Variants in TMOD1 observed in about 807,000 individuals in gnomAD.
The protein encoded by TMOD1 is tropomodulin-1.
A neutral mutation model predicts 40.6 loss-of-function variants in TMOD1; 17 were observed. The ratio of observed to expected loss-of-function variants is 0.42; its 90% confidence interval spans 0.29 to 0.63. The LOEUF is 0.63. Among genes scored for constraint, TMOD1 ranks in the 20% least tolerant of loss-of-function variants. TMOD1 has a pLI of 0.22. For missense variants in TMOD1, 391 were observed against 447.6 expected, an observed-to-expected ratio of 0.87 and a Z score of 1.14; for synonymous variants, 181 against 175.0, an observed-to-expected ratio of 1.03 and a Z score of -0.27.
intron 1 of TMOD1, chr9:97,517,615 G>T: frequency 6.6e-6 from 1 of 152,454 alleles, no homozygotes; most frequent in Non-Finnish European, 1.5e-5. Flanking sequence ...CACCATCTGA[G>T]TGTCCTCAGC....
At chr9:97,561,240 G>C (rs1340451717) in intron 4 of TMOD1, among the ~76,000 whole-genome samples, 1 of 152,156 alleles carries the variant, frequency 6.6e-6, no homozygotes, top group Admixed American at 6.5e-5. Flanking sequence ...GGCTTCCCAG[G>C]CTGTTCCTAG....
chr9:97,596,462 T>C (rs1253644072), intron 9 of TMOD1, among the ~76,000 whole-genome samples: 1 of 152,186 alleles, frequency 6.6e-6, no homozygotes, highest in Non-Finnish European at 1.5e-5. Context: ...ACTTCCCATC[T>C]CACTAGCTCA....
intron 2 of TMOD1, among the ~76,000 whole-genome samples, chr9:97,533,100 A>T (rs1830127435): frequency 6.6e-6 from 1 of 152,224 alleles, no homozygotes; most frequent in Non-Finnish European, 1.5e-5. Context: ...CTGGATTTTT[A>T]AAAAATGTAT....
chr9:97,517,506 C>T (rs907766201), intron 1 of TMOD1, among the ~76,000 whole-genome samples: 5 of 152,016 alleles, frequency 3.3e-5, no homozygotes, highest in Non-Finnish European at 5.9e-5. Context: ...GTGCCAAAGC[C>T]GGACACGCAT....
At chr9:97,512,554 T>C (rs1829720960) in intron 1 of TMOD1, among the ~76,000 whole-genome samples, 1 of 151,542 alleles carries the variant, frequency 6.6e-6, no homozygotes. Flanking sequence ...TTTCAGATAA[T>C]GGAATACTAC....
intron 8 of TMOD1, among the ~76,000 whole-genome samples, chr9:97,585,615 C>T (rs2131286465): frequency 7.0e-6 from 1 of 143,506 alleles, no homozygotes; most frequent in Non-Finnish European, 1.5e-5. Context: ...AACTTGGTTC[C>T]ATTCTCCCCA....
Position 97,521,426 on chromosome 9 carries a change from T to G in TMOD1, c.-48-2715T>G, listed in dbSNP as rs187252746. On this transcript the variant is annotated intron_variant, in intron 1 of 9. Coordinates refer to ENST00000259365, the MANE Select transcript of TMOD1 (RefSeq NM_003275.4). ...TAGTTTTAAGGCAGTTCTGGACATCTCTGTGAGTTGGTTCTGGAAGACTCC... is the reference window on the plus strand; with the variant it reads ...TAGTTTTAAGGCAGTTCTGGACATCGCTGTGAGTTGGTTCTGGAAGACTCC... Among the ~76,000 whole-genome samples, 150 of 152,306 alleles carry G rather than the reference T, an allele frequency of 9.8e-4. 1 individual carries two copies. The highest frequency in any genetic ancestry group is 3.4e-3 in the African/African-American group (142 of 41,566).
chr9:97,549,224 G>T (rs577442258), intron 3 of TMOD1, among the ~76,000 whole-genome samples: 1 of 152,200 alleles, frequency 6.6e-6, no homozygotes, highest in African/African-American at 2.4e-5. Flanking sequence ...TCCAGGGCTA[G>T]TAAGGCATAT....
chr9:97,551,014 ATTTTTTTTTTTTTTTTTT>A (rs55700746), intron 3 of TMOD1, among the ~76,000 whole-genome samples: 26,290 of 104,752 alleles, frequency 0.25, 3,112 homozygotes, highest in East Asian at 0.34. Context: ...ATATATATAT[ATTTTTTTTTTTTTTTTTT>A]TTTTTTTTTT....
chr9:97,593,167 GT>G (rs1286560292), intron 9 of TMOD1, among the ~76,000 whole-genome samples: 2 of 152,188 alleles, frequency 1.3e-5, no homozygotes, highest in Non-Finnish European at 2.9e-5. Flanking sequence ...GGCTAACCCA[GT>G]TTTTGTCCTC....
At chr9:97,553,169 C>T (rs1368948394) in intron 3 of TMOD1, 112 bp from the exon 4 acceptor site, 23 of 1,504,564 alleles carry the variant, frequency 1.5e-5, no homozygotes, top group Admixed American at 5.8e-5. Flanking sequence ...TGAAGGGACT[C>T]TCAGCATGGA....
At chr9:97,559,797 ATATATATATATATAT>A (rs1563990646) in intron 4 of TMOD1, among the ~76,000 whole-genome samples, 2 of 57,304 alleles carry the variant, frequency 3.5e-5, no homozygotes, top group African/African-American at 1.5e-4. Context: ...AAAAAAAAAT[ATATATATATATATAT>A]ATATATATAT....
chr9:97,572,695 C>A (rs1203645250), intron 8 of TMOD1, among the ~76,000 whole-genome samples: 1 of 152,124 alleles, frequency 6.6e-6, no homozygotes, highest in Non-Finnish European at 1.5e-5. Flanking sequence ...TCCTTGGAGA[C>A]GGGAGCTTTT....
At chr9:97,551,172 C>A (rs1204874264) in intron 3 of TMOD1, among the ~76,000 whole-genome samples, 4 of 151,604 alleles carry the variant, frequency 2.6e-5, no homozygotes, top group Non-Finnish European at 4.4e-5. Context: ...TACAGGCACG[C>A]ACCATCACGC....
At chr9:97,550,031 T>C (rs61455617) in intron 3 of TMOD1, among the ~76,000 whole-genome samples, 1,965 of 152,294 alleles carry the variant, frequency 0.013, 48 homozygotes, top group African/African-American at 0.046. Flanking sequence ...CCTGTACCTA[T>C]TACAGTTAGT....
At chr9:97,566,767 G>T (rs1347606158) in intron 7 of TMOD1, among the ~76,000 whole-genome samples, 3 of 152,154 alleles carry the variant, frequency 2.0e-5, no homozygotes, top group Non-Finnish European at 4.4e-5. Context: ...AGTCTCAAAA[G>T]ATATTTCTGA....
rs529491320 is a variant in TMOD1 at position 97,504,213 on chromosome 9, T to A, written c.-49+2410T>A. ...GGCTGCTTGTGAGAATTAAGTGAGATGATTCAGGGCAAGCCCTCAGCCCAG... is the reference window on the plus strand; with the variant it reads ...GGCTGCTTGTGAGAATTAAGTGAGAAGATTCAGGGCAAGCCCTCAGCCCAG... On this transcript the variant is annotated intron_variant, in intron 1 of 9. Coordinates refer to ENST00000259365, the MANE Select transcript of TMOD1 (RefSeq NM_003275.4). 2.2e-4 allele frequency among the ~76,000 whole-genome samples: 33 copies of A among 152,282 alleles called. No homozygotes were observed. The South Asian group carries it at 5.0e-3, about 23-fold the overall frequency.
chr9:97,519,815 G>A (rs922399240), intron 1 of TMOD1, among the ~76,000 whole-genome samples: 6 of 152,066 alleles, frequency 3.9e-5, no homozygotes, highest in Non-Finnish European at 8.8e-5. Flanking sequence ...AGCATGGCTC[G>A]GGGAAAGGAG....
intron 2 of TMOD1, among the ~76,000 whole-genome samples, chr9:97,542,602 C>T (rs1048687968): frequency 6.6e-6 from 1 of 152,086 alleles, no homozygotes; most frequent in Non-Finnish European, 1.5e-5. Flanking sequence ...CCTATAATTC[C>T]AGCACTTTGG....
Sources: gnomAD v4.1 joint callset for allele counts (sites outside exome capture counted in the v4.1 genomes callset) on GRCh38, gnomAD v4.1.1 for gene constraint, MANE v1.5 for transcripts, NCBI Gene and HGNC (gene_info 2026-07-23, HGNC 2026-07-21) for gene names.